SPTAN1: variants seen among roughly 807,000 people sequenced by gnomAD.
SPTAN1 encodes the protein spectrin alpha chain, non-erythrocytic 1.
A neutral mutation model predicts 331.3 loss-of-function variants in SPTAN1; 61 were observed. The ratio of observed to expected loss-of-function variants is 0.18; its 90% CI spans 0.15 to 0.23. The LOEUF (loss-of-function observed/expected upper bound fraction) is 0.23. SPTAN1 is among the 10% of genes least tolerant of loss of function. The pLI, the probability that SPTAN1 is intolerant of heterozygous loss-of-function variation, is 1.00. For synonymous variants in SPTAN1, 1,153 were observed against 1,173.9 expected, an observed-to-expected ratio of 0.98 and a Z score of 0.36; for missense variants, 2,043 against 3,147.9, an observed-to-expected ratio of 0.65 and a Z score of 8.40.
At chr9:128,554,132 A>G (rs1848409964) in intron 1 of SPTAN1, among the ~76,000 whole-genome samples, 1 of 152,216 alleles carries the variant, frequency 6.6e-6, no homozygotes, top group African/African-American at 2.4e-5. Context: ...GCAGGAAATT[A>G]ACAATAAGCC....
rs139237046 is a variant in SPTAN1, at chr9:128,621,454, A to T, written c.5832+198A>T. ...TTTGAAGCCAGTAAAGTTATTCTGC[A>T]GTGCTTATTTTTTCTGCATTAAGCA... On this transcript the variant is annotated intron_variant, in intron 45 of 56. Transcript: ENST00000372739. 2.0e-4 allele frequency among the ~76,000 whole-genome samples: 30 copies of T among 152,356 alleles called. No homozygotes were observed. In the East Asian group the frequency reaches 5.4e-3, roughly 27 times the overall value.
intron 40 of SPTAN1, among the ~76,000 whole-genome samples, chr9:128,614,284 G>A (rs1471987599): frequency 6.6e-6 from 1 of 151,868 alleles, no homozygotes; most frequent in African/African-American, 2.4e-5. Context: ...ATGAGACTCT[G>A]TCTGTACAAA....
intron 42 of SPTAN1, 21 bp downstream of exon 42, chr9:128,617,781 C>T: frequency 6.2e-7 from 1 of 1,613,412 alleles, no homozygotes; most frequent in Non-Finnish European, 8.5e-7. Context: ...CGCCTTCTGG[C>T]CAAGAGGGCA....
intron 44 of SPTAN1, among the ~76,000 whole-genome samples, chr9:128,619,849 C>T (rs1255728696): frequency 6.6e-6 from 1 of 152,250 alleles, no homozygotes; most frequent in Non-Finnish European, 1.5e-5. Context: ...TTTCTTACTT[C>T]CAATGGATCT....
chr9:128,559,884 G>A lies in SPTAN1; in HGVS notation c.-3-6854G>A, dbSNP rs149808299. 5.3e-3 allele frequency among the ~76,000 whole-genome samples: 803 copies of A among 151,342 alleles called. 7 individuals are homozygous for A. Among genetic ancestry groups the A allele is most frequent in the African/African-American group, 0.018 (750 of 41,178 alleles). ...CAGGTAGCTGGGACTACAGGCGTGCGCCACTATGCTTGGCTACTTTTTGTA... is the reference window on the plus strand; with the variant it reads ...CAGGTAGCTGGGACTACAGGCGTGCACCACTATGCTTGGCTACTTTTTGTA... On this transcript the variant is annotated intron_variant, in intron 1 of 56. Coordinates refer to ENST00000372739, the MANE Select transcript of SPTAN1 (RefSeq NM_001130438.3).
At chr9:128,626,064 C>G in intron 48 of SPTAN1, 86 bp downstream of exon 48, 1 of 1,517,062 alleles carries the variant, frequency 6.6e-7, no homozygotes, top group Non-Finnish European at 9.1e-7. Flanking sequence ...TGCCACTCCC[C>G]CTTGAGGAAG....
rs535621149 is a variant in SPTAN1, at chr9:128,603,495, T to C, written c.3580-48T>C. On this transcript the variant is annotated intron_variant, in intron 27 of 56. Transcript: ENST00000372739. ...TGACACTTGCAGCTCAGATCTCTAATTGCCAGACACTTGATTAGTTTTGCC... is the reference window on the plus strand; with the variant it reads ...TGACACTTGCAGCTCAGATCTCTAACTGCCAGACACTTGATTAGTTTTGCC... 53 of 1,610,914 alleles carry C rather than the reference T, an allele frequency of 3.3e-5. No homozygotes were observed. The South Asian group carries it at 5.4e-4, about 16-fold the overall frequency.
chr9:128,583,672 T>A (rs900126154), intron 15 of SPTAN1, 116 bp from the exon 16 acceptor site: 27 of 1,110,352 alleles, frequency 2.4e-5, no homozygotes, highest in Non-Finnish European at 3.1e-5. Context: ...GTGACATAAG[T>A]GAAGGAATAA....
chr9:128,592,572 C>T (rs1385614138), intron 22 of SPTAN1, among the ~76,000 whole-genome samples: 1 of 152,194 alleles, frequency 6.6e-6, no homozygotes, highest in Non-Finnish European at 1.5e-5. Flanking sequence ...CACGCCTGGC[C>T]TTGGTTTGTA....
intron 48 of SPTAN1, 196 bp from the exon 49 acceptor site, chr9:128,626,195 G>C: frequency 1.1e-6 from 1 of 913,510 alleles, no homozygotes; most frequent in Non-Finnish European, 1.7e-6. Flanking sequence ...TAGAGACAAG[G>C]GCAAAGGGTA....
At chr9:128,602,100 T>C (rs768107932) in intron 27 of SPTAN1, among the ~76,000 whole-genome samples, 8 of 152,068 alleles carry the variant, frequency 5.3e-5, no homozygotes, top group Non-Finnish European at 7.4e-5. Context: ...TGGGTCCACC[T>C]TCTGACTCCT....
chr9:128,617,850 T>C, intron 42 of SPTAN1, 90 bp downstream of exon 42: 1 of 1,610,900 alleles, frequency 6.2e-7, no homozygotes. Context: ...TTCACTGAGG[T>C]CCCTAAAGTG....
intron 19 of SPTAN1, among the ~76,000 whole-genome samples, chr9:128,586,221 C>CAATCCTCCT (rs1239050096): frequency 7.0e-6 from 1 of 142,442 alleles, no homozygotes; most frequent in Non-Finnish European, 1.5e-5. Context: ...TGGGCTCAAG[C>CAATCCTCCT]GATCCTCCTG....
chr9:128,555,261 A>T lies in SPTAN1; in HGVS notation c.-4+2565A>T. 5 of 968,418 alleles carry T rather than the reference A, an allele frequency of 5.2e-6. No homozygotes were observed. The East Asian group carries it at 3.1e-4, about 60-fold the overall frequency. The allele number at this position is 968,418 out of a possible 1,614,324, so 60.0% of individuals were successfully genotyped here. On this transcript the variant is annotated intron_variant, in intron 1 of 56. Transcript: ENST00000372739. ...GAAATTGGATTTTTAATCTGTATTC[A>T]TATTTTTTAAATAATCTGTTTTCTT...
chr9:128,588,080 C>A (rs1396047047), intron 20 of SPTAN1, among the ~76,000 whole-genome samples: 1 of 148,574 alleles, frequency 6.7e-6, no homozygotes, highest in Non-Finnish European at 1.5e-5. Flanking sequence ...TCACTGCAAC[C>A]TCTGCCTCCC....
chr9:128,556,847 A>C (rs1220598446), intron 1 of SPTAN1, among the ~76,000 whole-genome samples: 2 of 152,192 alleles, frequency 1.3e-5, no homozygotes, highest in African/African-American at 4.8e-5. Context: ...ATCTGCAGCT[A>C]AGCTGGTTTT....
At chr9:128,612,692 G>A (rs922651481) in intron 39 of SPTAN1, among the ~76,000 whole-genome samples, 5 of 152,288 alleles carry the variant, frequency 3.3e-5, no homozygotes, top group African/African-American at 1.2e-4. Flanking sequence ...TTGGGAGGCC[G>A]AGGCAGGCAG....
chr9:128,616,739 A>G (rs961179144), intron 41 of SPTAN1, among the ~76,000 whole-genome samples: 2 of 151,532 alleles, frequency 1.3e-5, no homozygotes, highest in Admixed American at 6.6e-5. Context: ...TGTACTCCAG[A>G]GCAAGACTCC....
intron 45 of SPTAN1, 91 bp from the exon 46 acceptor site, chr9:128,624,237 T>G (rs1288608062): frequency 3.9e-6 from 6 of 1,536,034 alleles, no homozygotes; most frequent in Middle Eastern, 3.9e-4. Context: ...GTGGCCCATT[T>G]TATAGAAGTT....
Sources: gnomAD v4.1 joint callset for allele counts (sites outside exome capture counted in the v4.1 genomes callset) on GRCh38, gnomAD v4.1.1 for gene constraint, MANE v1.5 for transcripts, NCBI Gene and HGNC (gene_info 2026-07-23, HGNC 2026-07-21) for gene names.